The following KCNQ5 variants were observed in gnomAD, a reference collection of about 807,000 sequenced individuals.
The protein encoded by KCNQ5 is potassium voltage-gated channel subfamily KQT member 5.
Under a neutral mutation model 98.2 loss-of-function variants are expected in KCNQ5, and 30 were observed. The observed-to-expected ratio is 0.31, with a 90% CI of 0.23 to 0.41. The LOEUF is 0.41. Ranked by LOEUF, KCNQ5 falls within the 10% of genes least tolerant of loss-of-function variation. KCNQ5 has a pLI of 1.00. For synonymous variants in KCNQ5, 458 were observed against 449.4 expected (o/e 1.02, Z -0.24); for missense variants, 835 against 1,182.5 (o/e 0.71, Z 4.31).
chr6:72,980,219 C>G (rs1245269424), intron 1 of KCNQ5, among the ~76,000 whole-genome samples: 1 of 152,144 alleles, frequency 6.6e-6, no homozygotes, highest in Non-Finnish European at 1.5e-5. Flanking sequence ...TAAAGAAAGT[C>G]ACTGGTAGCT....
intron 5 of KCNQ5, among the ~76,000 whole-genome samples, chr6:73,086,625 A>G (rs1416923565): frequency 6.6e-6 from 1 of 152,186 alleles, no homozygotes; most frequent in African/African-American, 2.4e-5. Context: ...CTAAATATTT[A>G]GTGAGTTTCT....
chr6:72,990,529 G>C (rs1255769368), intron 1 of KCNQ5, among the ~76,000 whole-genome samples: 1 of 59,814 alleles, frequency 1.7e-5, no homozygotes, highest in African/African-American at 7.3e-5. Context: ...CTTTGCTGAA[G>C]TTGCTTATCA....
intron 5 of KCNQ5, among the ~76,000 whole-genome samples, chr6:73,097,039 A>C (rs909856146): frequency 5.3e-5 from 8 of 151,764 alleles, no homozygotes; most frequent in African/African-American, 1.7e-4. Flanking sequence ...ACTCAGTCTC[A>C]GAAAAAAAAA....
intron 3 of KCNQ5, among the ~76,000 whole-genome samples, chr6:73,075,701 C>T (rs1248913063): frequency 6.6e-6 from 1 of 152,142 alleles, no homozygotes; most frequent in Non-Finnish European, 1.5e-5. Flanking sequence ...CTCTCTTTGG[C>T]TCTCTGGGTA....
At chr6:72,980,586 G>C (rs140095271) in intron 1 of KCNQ5, among the ~76,000 whole-genome samples, 4,120 of 152,186 alleles carry the variant, frequency 0.027, 66 homozygotes, top group Middle Eastern at 0.082. Flanking sequence ...GAGAGGGTAG[G>C]GTTTTCTAAA....
At chr6:72,849,494 C>T (rs554379020) in intron 1 of KCNQ5, among the ~76,000 whole-genome samples, 1 of 152,104 alleles carries the variant, frequency 6.6e-6, no homozygotes, top group Admixed American at 6.5e-5. Context: ...TTTCTGATTC[C>T]TCAAAAGGCA....
At chr6:72,865,754 T>C (rs1164902083) in intron 1 of KCNQ5, among the ~76,000 whole-genome samples, 1 of 152,212 alleles carries the variant, frequency 6.6e-6, no homozygotes, top group Non-Finnish European at 1.5e-5. Context: ...CTTCTACTCA[T>C]GTGTACCCCT....
At chr6:73,167,098 A>G (rs1777831751) in intron 10 of KCNQ5, among the ~76,000 whole-genome samples, 1 of 152,198 alleles carries the variant, frequency 6.6e-6, no homozygotes, top group Admixed American at 6.5e-5. Flanking sequence ...CCTGGAAAGA[A>G]TGTCATCAAA....
At chr6:73,025,749 C>A (rs920475651) in intron 2 of KCNQ5, among the ~76,000 whole-genome samples, 2 of 149,716 alleles carry the variant, frequency 1.3e-5, no homozygotes, top group African/African-American at 4.9e-5. Flanking sequence ...TGCTGTTTTT[C>A]TTTCCTTTAT....
chr6:73,110,425 A>T lies in KCNQ5; in HGVS notation c.1030-883A>T, dbSNP rs868268872. Reference sequence around the variant, plus strand: ...CAGAGCAAATTGAAAAGAGTGGGGGACATCAAAGAACCAGAATTTTGGCAG... The same window carrying T: ...CAGAGCAAATTGAAAAGAGTGGGGGTCATCAAAGAACCAGAATTTTGGCAG... On this transcript the variant is annotated intron_variant, in intron 6 of 13. Coordinates refer to ENST00000370398, the MANE Select transcript of KCNQ5 (RefSeq NM_019842.4). Among the ~76,000 whole-genome samples, 6 of 152,180 alleles carry T rather than the reference A, an allele frequency of 3.9e-5. No homozygotes were observed. In the South Asian group the frequency reaches 1.2e-3, roughly 31 times the overall value.
intron 7 of KCNQ5, among the ~76,000 whole-genome samples, chr6:73,115,872 A>G (rs959157003): frequency 2.0e-5 from 3 of 152,206 alleles, no homozygotes; most frequent in Non-Finnish European, 4.4e-5. Context: ...GGGGATTTCT[A>G]TGATAATAGG....
At chr6:73,149,120 C>G (rs192610465) in intron 10 of KCNQ5, among the ~76,000 whole-genome samples, 73 of 152,064 alleles carry the variant, frequency 4.8e-4, no homozygotes, top group African/African-American at 1.7e-3. Context: ...GTCATGAAAT[C>G]AAATGAATGG....
chr6:72,806,458 C>A (rs544375119), intron 1 of KCNQ5, among the ~76,000 whole-genome samples: 17 of 152,140 alleles, frequency 1.1e-4, no homozygotes, highest in African/African-American at 4.1e-4. Context: ...ATCTAGAAGA[C>A]ATATTTCTTC....
At chr6:72,760,788 T>A (rs1251680096) in intron 1 of KCNQ5, among the ~76,000 whole-genome samples, 2 of 152,170 alleles carry the variant, frequency 1.3e-5, no homozygotes, top group Non-Finnish European at 2.9e-5. Context: ...TGCTTATCTG[T>A]TCTACTTATC....
chr6:73,071,550 G>T (rs575820971), intron 3 of KCNQ5, among the ~76,000 whole-genome samples: 120 of 152,282 alleles, frequency 7.9e-4, no homozygotes, highest in African/African-American at 2.8e-3. Flanking sequence ...TGTACAAAAA[G>T]CATGGTGCCT....
chr6:73,060,967 G>T (rs570348246), intron 3 of KCNQ5, among the ~76,000 whole-genome samples: 1 of 152,164 alleles, frequency 6.6e-6, no homozygotes, highest in African/African-American at 2.4e-5. Flanking sequence ...AATTACTTAA[G>T]CATTTACTCT....
chr6:73,172,926 A>G (rs1342137077), intron 11 of KCNQ5, among the ~76,000 whole-genome samples: 1 of 152,214 alleles, frequency 6.6e-6, no homozygotes, highest in Admixed American at 6.5e-5. Flanking sequence ...TACCTTCACA[A>G]AGAGCAAAGT....
intron 1 of KCNQ5, among the ~76,000 whole-genome samples, chr6:72,941,341 CT>C (rs1562082065): frequency 2.4e-5 from 1 of 42,384 alleles, no homozygotes; most frequent in African/African-American, 3.6e-5. Context: ...TCCTTCCTTC[CT>C]TTCTTCCTTC....
At chr6:72,633,381 T>G (rs1307806382) in intron 1 of KCNQ5, among the ~76,000 whole-genome samples, 2 of 152,174 alleles carry the variant, frequency 1.3e-5, no homozygotes. Context: ...AGTTGTCTGT[T>G]TATAAATCGG....
Sources: allele counts gnomAD v4.1 joint callset (sites outside exome capture counted in the v4.1 genomes callset), GRCh38; gene constraint gnomAD v4.1.1; transcripts MANE v1.5; gene names NCBI Gene and HGNC (gene_info 2026-07-23, HGNC 2026-07-21).